The following FZD6 variants were observed in gnomAD, a reference collection of about 807,000 sequenced individuals.
FZD6 encodes the protein frizzled-6.
FZD6 carries 49 observed loss-of-function variants against 61.4 expected under a neutral mutation model. The ratio of observed to expected loss-of-function variants is 0.80; its 90% CI spans 0.63 to 1.01. FZD6 has a LOEUF of 1.01. Ranked by LOEUF, FZD6 falls within the 50% of genes least tolerant of loss-of-function variation. FZD6 has a pLI of 0.00. For missense variants in FZD6, 724 were observed against 848.2 expected, an observed-to-expected ratio of 0.85 and a Z score of 1.82; for synonymous variants, 265 against 292.2, an observed-to-expected ratio of 0.91 and a Z score of 0.95.
intron 4 of FZD6, 95 bp downstream of exon 4, chr8:103,325,593 A>T: frequency 9.5e-7 from 1 of 1,053,260 alleles, no homozygotes; most frequent in Non-Finnish European, 1.5e-6. Flanking sequence ...AGTTGATTTC[A>T]GGTGAGAAAA....
chr8:103,318,345 T>C (rs1814688374), intron 2 of FZD6, among the ~76,000 whole-genome samples: 1 of 152,184 alleles, frequency 6.6e-6, no homozygotes, highest in African/African-American at 2.4e-5. Context: ...TTTGACAATG[T>C]GGAGTTTGTT....
intron 2 of FZD6, among the ~76,000 whole-genome samples, chr8:103,306,273 AT>A (rs955635856): frequency 1.3e-5 from 2 of 152,098 alleles, no homozygotes; most frequent in African/African-American, 4.8e-5. Context: ...TCCACTTTAC[AT>A]TTTTTAAAGA....
intron 2 of FZD6, among the ~76,000 whole-genome samples, chr8:103,310,771 G>A (rs1193832800): frequency 6.6e-6 from 1 of 152,170 alleles, no homozygotes; most frequent in Non-Finnish European, 1.5e-5. Context: ...ATTCTATTAT[G>A]TACAGAGAAG....
chr8:103,325,149 T>C lies in FZD6; in HGVS notation c.1043T>C (p.Val348Ala), dbSNP rs1263522296. 3.1e-6 allele frequency: 5 copies of C among 1,614,108 alleles called. No individual in the cohort carries two copies. Among genetic ancestry groups the C allele is most frequent in the Non-Finnish European group, 4.2e-6 (5 of 1,179,940 alleles). Residue 348 changes from valine (V) to alanine (A), a missense_variant, in exon 4 of 7, where the codon GTT becomes GCT. Transcript: ENST00000358755. ...GTTATGCTTCTTGCTATGAACAAAG[T>C]TGAAGGAGACAACATTAGTGGAGTT... ...LTVMLLAMNK[V>A]EGDNISGVCF...
chr8:103,310,304 CTG>C (rs57931440), intron 2 of FZD6, among the ~76,000 whole-genome samples: 31,393 of 152,058 alleles, frequency 0.21, 3,566 homozygotes, highest in Middle Eastern at 0.35. Context: ...GGGTCTCACT[CTG>C]TTGCCTGGGC....
Position 103,332,277 on chromosome 8 carries a change from G to A in FZD6, c.*768G>A, listed in dbSNP as rs946948227. The A allele has an allele frequency of 6.6e-6, 1 of 152,064 alleles. No individual in the cohort carries two copies. The highest frequency in any genetic ancestry group is 2.4e-5 in the African/African-American group (1 of 41,410). 9.4% of individuals were successfully genotyped at this position (152,064 alleles called of 1,614,324 possible). A position where few individuals can be genotyped will look rare whatever the true frequency, so the allele number is the denominator to read the frequency against. ...ATATTTAAAATAAAATGTCCTAAAG[G>A]GTTAGTAGACAAAATGTTAGTCTTT... On this transcript the variant is annotated 3_prime_UTR_variant, in exon 7 of 7. Coordinates refer to ENST00000358755, the MANE Select transcript of FZD6 (RefSeq NM_003506.4).
intron 2 of FZD6, among the ~76,000 whole-genome samples, chr8:103,310,607 C>T (rs193154656): frequency 4.6e-5 from 7 of 152,200 alleles, no homozygotes; most frequent in African/African-American, 1.4e-4. Context: ...TCAGAGATGC[C>T]AGTTTGTTAT....
At chr8:103,313,124 A>T (rs1563687743) in intron 2 of FZD6, among the ~76,000 whole-genome samples, 2 of 152,134 alleles carry the variant, frequency 1.3e-5, no homozygotes, top group Non-Finnish European at 2.9e-5. Flanking sequence ...GTGACTATAC[A>T]AGTTACTTAA....
At chr8:103,312,015 A>G (rs1342268724) in intron 2 of FZD6, among the ~76,000 whole-genome samples, 1 of 152,238 alleles carries the variant, frequency 6.6e-6, no homozygotes, top group East Asian at 1.9e-4. Context: ...CATTATTTCC[A>G]GTGAAGGATT....
At chr8:103,310,266 T>G (rs1167403192) in intron 2 of FZD6, among the ~76,000 whole-genome samples, 2 of 151,578 alleles carry the variant, frequency 1.3e-5, no homozygotes, top group Non-Finnish European at 1.5e-5. Context: ...TGTCCTTTTG[T>G]GTGTGTGTTT....
chr8:103,321,860 C>A (rs73286018), intron 3 of FZD6, among the ~76,000 whole-genome samples: 187 of 152,284 alleles, frequency 1.2e-3, no homozygotes, highest in African/African-American at 4.1e-3. Flanking sequence ...CCCTCTTTCC[C>A]CACAGCAGTG....
intron 2 of FZD6, among the ~76,000 whole-genome samples, chr8:103,304,393 C>T (rs1164044882): frequency 6.6e-6 from 1 of 152,190 alleles, no homozygotes; most frequent in Non-Finnish European, 1.5e-5. Flanking sequence ...GAAATGCAAG[C>T]TCACAGACTC....
rs1413255088 is a variant in FZD6, at chr8:103,325,043, A to G, written c.937A>G (p.Arg313Gly). 6.2e-7 allele frequency: 1 copy of G among 1,614,072 alleles called. No homozygotes were observed. Among genetic ancestry groups the G allele is most frequent in the African/African-American group, 1.3e-5 (1 of 74,930 alleles). ...CATTACTTGGTTCTTAGCTGCAGGAAGAAAATGGAGTTGTGAAGCCATCGA... is the reference window on the plus strand; with the variant it reads ...CATTACTTGGTTCTTAGCTGCAGGAGGAAAATGGAGTTGTGAAGCCATCGA... The part of the protein sequence containing the change: ...LTITWFLAAG[R>G]KWSCEAIEQK... Residue 313 changes from arginine to glycine, a missense_variant, in exon 4 of 7, where the codon AGA (arginine) becomes GGA (glycine). Coordinates refer to ENST00000358755, the MANE Select transcript of FZD6 (RefSeq NM_003506.4).
chr8:103,332,306 A>T lies in FZD6; in HGVS notation c.*797A>T, dbSNP rs1052239513. ...AGTAGACAAAATGTTAGTCTTTTGT[A>T]TATTAGGCCAAGTGCAATTGACTTC... On this transcript the variant is annotated 3_prime_UTR_variant, in exon 7 of 7. Coordinates refer to ENST00000358755, the MANE Select transcript of FZD6 (RefSeq NM_003506.4). The T allele has an allele frequency of 6.6e-6, 1 of 152,202 alleles. No individual in the cohort carries two copies. Among genetic ancestry groups the T allele is most frequent in the Non-Finnish European group, 1.5e-5 (1 of 68,006 alleles). The allele number at this position is 152,202 out of a possible 1,614,324, so 9.4% of individuals were successfully genotyped here. A position where few individuals can be genotyped will look rare whatever the true frequency, so the allele number is the denominator to read the frequency against.
In FZD6 at chr8:103,324,542, C is replaced by T. The variant is rs778588461; in HGVS notation, c.436C>T (p.Pro146Ser). ...TGATCCACACACAGAATTTCTTGGTCCTCAGAAGAAAACAGAACAAGTCCA... is the reference window on the plus strand; with the variant it reads ...TGATCCACACACAGAATTTCTTGGTTCTCAGAAGAAAACAGAACAAGTCCA... ...TFDPHTEFLGPQKKTEQVQRD... is the reference protein window; with the variant it reads ...TFDPHTEFLGSQKKTEQVQRD... The change falls in exon 4 of 7, where the codon CCT becomes TCT. Residue 146 changes from proline to serine, a missense_variant. Transcript: ENST00000358755. The T allele has an allele frequency of 1.2e-6, 2 of 1,612,096 alleles. No homozygotes were observed. The highest frequency in any genetic ancestry group is 3.3e-5 in the Admixed American group (2 of 59,996).
At chr8:103,300,793 CTT>C (rs1271854115) in intron 2 of FZD6, among the ~76,000 whole-genome samples, 3 of 152,158 alleles carry the variant, frequency 2.0e-5, no homozygotes, top group Middle Eastern at 3.4e-3. Flanking sequence ...TAAAAAGTGA[CTT>C]TGTTTTCTAA....
intron 2 of FZD6, chr8:103,307,798 A>G (rs1307529523): frequency 2.2e-6 from 1 of 455,932 alleles, no homozygotes; most frequent in Non-Finnish European, 4.4e-6. Context: ...TAAGAGTAGC[A>G]GGTAGCTCAT....
intron 6 of FZD6, among the ~76,000 whole-genome samples, chr8:103,330,943 C>T (rs765606622): frequency 7.9e-5 from 12 of 152,080 alleles, no homozygotes; most frequent in Non-Finnish European, 1.3e-4. Flanking sequence ...TTTGGGAGGC[C>T]AAGGTGGGCA....
At chr8:103,300,326 T>C (rs1380395626) in intron 2 of FZD6, 42 bp downstream of exon 2, 3 of 1,317,718 alleles carry the variant, frequency 2.3e-6, no homozygotes, top group East Asian at 2.3e-5. Context: ...TAGTTTATGC[T>C]CTGTTCTAGA....
Sources: gnomAD v4.1 joint callset for allele counts (sites outside exome capture counted in the v4.1 genomes callset) on GRCh38, gnomAD v4.1.1 for gene constraint, MANE v1.5 for transcripts, NCBI Gene and HGNC (gene_info 2026-07-23, HGNC 2026-07-21) for gene names.